The following VANGL1 variants were observed in gnomAD, a reference collection of about 807,000 sequenced individuals.
VANGL1 encodes vang-like protein 1.
A neutral mutation model predicts 48.4 loss-of-function variants in VANGL1; 18 were observed. The ratio of observed to expected loss-of-function variants is 0.37; its 90% CI spans 0.26 to 0.55. The LOEUF is 0.55. Among genes scored for constraint, VANGL1 ranks in the 20% least tolerant of loss-of-function variants. The pLI, the probability that VANGL1 is intolerant of heterozygous loss-of-function variation, is 0.81. For missense variants in VANGL1, 667 were observed against 675.8 expected (o/e 0.99, Z 0.14); for synonymous variants, 257 against 261.8 (o/e 0.98, Z 0.18).
chr1:115,668,582 A>T (rs1652871243), intron 4 of VANGL1, among the ~76,000 whole-genome samples: 1 of 152,236 alleles, frequency 6.6e-6, no homozygotes, highest in African/African-American at 2.4e-5. Context: ...TTAGTAGTTT[A>T]AAACAACCAA....
chr1:115,655,630 G>A (rs1652316366), intron 2 of VANGL1, among the ~76,000 whole-genome samples: 1 of 152,224 alleles, frequency 6.6e-6, no homozygotes, highest in East Asian at 1.9e-4. Context: ...CTGAGGCAGA[G>A]TTGGAAAAAC....
chr1:115,659,270 A>G (rs1652457452), intron 2 of VANGL1, among the ~76,000 whole-genome samples: 1 of 152,156 alleles, frequency 6.6e-6, no homozygotes, highest in South Asian at 2.1e-4. Context: ...AAGCCCTAGA[A>G]AACTGGTTAA....
chr1:115,673,913 A>T (rs1176697368), intron 4 of VANGL1, among the ~76,000 whole-genome samples: 1 of 151,976 alleles, frequency 6.6e-6, no homozygotes, highest in Non-Finnish European at 1.5e-5. Context: ...CTCTTTTCTT[A>T]TACGGATACC....
intron 4 of VANGL1, among the ~76,000 whole-genome samples, chr1:115,668,938 C>T (rs1379440273): frequency 2.0e-5 from 3 of 152,212 alleles, no homozygotes; most frequent in Admixed American, 6.5e-5. Flanking sequence ...AGCCCTATCC[C>T]ACATTTAAGG....
At chr1:115,667,560 C>G (rs1035133100) in intron 4 of VANGL1, among the ~76,000 whole-genome samples, 4 of 152,164 alleles carry the variant, frequency 2.6e-5, no homozygotes, top group Non-Finnish European at 5.9e-5. Context: ...GGTCCCCAAC[C>G]CCCAGGGTAA....
chr1:115,672,258 C>G (rs1653002764), intron 4 of VANGL1, among the ~76,000 whole-genome samples: 2 of 152,162 alleles, frequency 1.3e-5, no homozygotes, highest in Admixed American at 1.3e-4. Flanking sequence ...CCTAGGCTGC[C>G]AATCTGCATG....
chr1:115,657,186 T>C (rs1026986375), intron 2 of VANGL1, among the ~76,000 whole-genome samples: 4 of 152,238 alleles, frequency 2.6e-5, no homozygotes, highest in Non-Finnish European at 2.9e-5. Context: ...AGCTTTGTGC[T>C]ATCTAAGGTC....
rs1247157055 is a variant in VANGL1, at chr1:115,695,751, G to A, written c.*4372G>A. ...CGGGTGAAAAACGGAAGGTCAGAGAGGAAGGGGCTTGTCCAAGGTCTCATG... is the reference window on the plus strand; with the variant it reads ...CGGGTGAAAAACGGAAGGTCAGAGAAGAAGGGGCTTGTCCAAGGTCTCATG... On this transcript the variant is annotated 3_prime_UTR_variant, in exon 8 of 8. Transcript: ENST00000355485. 6.6e-6 allele frequency: 1 copy of A among 152,198 alleles called. No homozygotes were observed. Among genetic ancestry groups the A allele is most frequent in the African/African-American group, 2.4e-5 (1 of 41,434 alleles). The allele number at this position is 152,198 out of a possible 1,614,324, so 9.4% of individuals were successfully genotyped here. A position where few individuals can be genotyped will look rare whatever the true frequency, so the allele number is the denominator to read the frequency against.
At chr1:115,645,797 C>T (rs868415378) in intron 1 of VANGL1, among the ~76,000 whole-genome samples, 1 of 152,166 alleles carries the variant, frequency 6.6e-6, no homozygotes, top group Admixed American at 6.5e-5. Flanking sequence ...ATAATATACA[C>T]AGCATATATA....
At chr1:115,643,945 C>T (rs1173560926) in intron 1 of VANGL1, among the ~76,000 whole-genome samples, 1 of 152,196 alleles carries the variant, frequency 6.6e-6, no homozygotes, top group African/African-American at 2.4e-5. Flanking sequence ...GAGGTCTCCA[C>T]ATTGGGGCTG....
intron 1 of VANGL1, among the ~76,000 whole-genome samples, chr1:115,647,679 G>A (rs1041335852): frequency 1.3e-5 from 2 of 152,150 alleles, no homozygotes; most frequent in East Asian, 1.9e-4. Flanking sequence ...CTGTGTAGGT[G>A]GAGCCTGGAG....
chr1:115,649,447 A>G (rs1314537927), intron 1 of VANGL1, among the ~76,000 whole-genome samples: 1 of 152,166 alleles, frequency 6.6e-6, no homozygotes, highest in Non-Finnish European at 1.5e-5. Flanking sequence ...ACTGCAGGTG[A>G]GCCTTGTGGC....
chr1:115,651,123 T>C (rs1557761998), intron 1 of VANGL1, among the ~76,000 whole-genome samples, 154 bp from the exon 2 acceptor site: 2 of 152,216 alleles, frequency 1.3e-5, no homozygotes, highest in Admixed American at 1.3e-4. Flanking sequence ...GGTTGCTGCA[T>C]GGGTGGAGCA....
At chr1:115,665,227 T>C (rs1309225006) in intron 4 of VANGL1, among the ~76,000 whole-genome samples, 1 of 152,204 alleles carries the variant, frequency 6.6e-6, no homozygotes, top group Non-Finnish European at 1.5e-5. Flanking sequence ...CATTACATCC[T>C]CAGTGCCTGG....
chr1:115,659,910 T>C, intron 3 of VANGL1, 137 bp downstream of exon 3: 1 of 1,234,970 alleles, frequency 8.1e-7, no homozygotes, highest in Non-Finnish European at 1.2e-6. Context: ...TCCCATGGTC[T>C]CTTGTTGGTC....
chr1:115,667,657 C>A (rs541802252), intron 4 of VANGL1, among the ~76,000 whole-genome samples: 1 of 152,326 alleles, frequency 6.6e-6, no homozygotes, highest in East Asian at 1.9e-4. Flanking sequence ...GTCCTGGTGT[C>A]TCACACAGTC....
intron 3 of VANGL1, among the ~76,000 whole-genome samples, chr1:115,660,502 T>A (rs1652507064): frequency 6.6e-6 from 1 of 152,240 alleles, no homozygotes; most frequent in Non-Finnish European, 1.5e-5. Flanking sequence ...TGATACTTTA[T>A]TAATTTTTTT....
chr1:115,650,181 G>A (rs1181999276), intron 1 of VANGL1, among the ~76,000 whole-genome samples: 1 of 152,180 alleles, frequency 6.6e-6, no homozygotes, highest in Non-Finnish European at 1.5e-5. Context: ...CTCCTCCCAG[G>A]AGGGTTAGGG....
At chr1:115,643,380 A>C (rs1423464972) in intron 1 of VANGL1, among the ~76,000 whole-genome samples, 2 of 152,200 alleles carry the variant, frequency 1.3e-5, no homozygotes, top group Admixed American at 1.3e-4. Flanking sequence ...GGGAGAGGTA[A>C]TTAGCCATTT....
Sources: gnomAD v4.1 joint callset for allele counts (sites outside exome capture counted in the v4.1 genomes callset) on GRCh38, gnomAD v4.1.1 for gene constraint, MANE v1.5 for transcripts, NCBI Gene and HGNC (gene_info 2026-07-23, HGNC 2026-07-21) for gene names.